Variants in ABCB4 observed in about 807,000 individuals in gnomAD.
ABCB4 encodes the protein phosphatidylcholine translocator ABCB4.
In ABCB4, 76 loss-of-function variants were observed where a neutral mutation model predicts 145.7. That is an observed-to-expected ratio of 0.52 (90% CI 0.43 to 0.63). The LOEUF is 0.63. Among genes scored for constraint, ABCB4 ranks in the 30% least tolerant of loss-of-function variants. The pLI is 0.00. For synonymous variants in ABCB4, 517 were observed against 566.8 expected, an observed-to-expected ratio of 0.91 and a Z score of 1.25; for missense variants, 1,234 against 1,553.1, an observed-to-expected ratio of 0.79 and a Z score of 3.45.
chr7:87,432,796 T>G (rs1034821), intron 14 of ABCB4, among the ~76,000 whole-genome samples: 10,659 of 152,212 alleles, frequency 0.07, 391 homozygotes, highest in South Asian at 0.14. Flanking sequence ...CAGTGATGGT[T>G]GTACAACCTT....
At chr7:87,421,327 C>T (rs1421745776) in intron 18 of ABCB4, among the ~76,000 whole-genome samples, 1 of 152,178 alleles carries the variant, frequency 6.6e-6, no homozygotes, top group Non-Finnish European at 1.5e-5. Flanking sequence ...TGCCCTCCCC[C>T]TCCATTTGCT....
At position 87,443,189 on chromosome 7, in the gene ABCB4, C is replaced by A. The variant is rs17149606; in HGVS notation, c.1356+130G>T. On this transcript the variant is annotated intron_variant, in intron 12 of 27. Coordinates refer to ENST00000649586, the MANE Select transcript of ABCB4 (RefSeq NM_000443.4). ...CCAAGGGTGTGAAGGCATTATCCAT[C>A]GGCATTGCCATTTTGTAGGCTTTTT... 96,891 of 1,153,742 alleles carry A rather than the reference C, an allele frequency of 0.084. 5,034 individuals carry two copies. Among genetic ancestry groups the A allele is most frequent in the African/African-American group, 0.21 (13,978 of 66,150 alleles). The allele number at this position is 1,153,742 out of a possible 1,614,324, so 71.5% of individuals were successfully genotyped here. A position where few individuals can be genotyped will look rare whatever the true frequency, so the allele number is the denominator to read the frequency against.
intron 3 of ABCB4, among the ~76,000 whole-genome samples, chr7:87,469,868 C>T (rs1370007109): frequency 6.6e-6 from 1 of 152,180 alleles, no homozygotes; most frequent in African/African-American, 2.4e-5. Context: ...GAAAAAACTA[C>T]TTTAAAGTTA....
chr7:87,381,573 T>C, the ABCB4 span, among the ~76,000 whole-genome samples: 1 of 152,194 alleles, frequency 6.6e-6, no homozygotes, highest in Non-Finnish European at 1.5e-5. Flanking sequence ...AACATCTTCG[T>C]GTTGCATATA....
At chr7:87,451,198 T>C (rs1244976750) in intron 7 of ABCB4, among the ~76,000 whole-genome samples, 1 of 151,202 alleles carries the variant, frequency 6.6e-6, no homozygotes, top group African/African-American at 2.4e-5. Flanking sequence ...TGAAGTGGCA[T>C]GATCTGGGCT....
intron 9 of ABCB4, among the ~76,000 whole-genome samples, chr7:87,445,745 T>C (rs1811301448): frequency 6.6e-6 from 1 of 152,222 alleles, no homozygotes; most frequent in Admixed American, 6.5e-5. Context: ...ATCAGTTAAA[T>C]ATCTATCCCC....
Position 87,465,730 on chromosome 7 carries a change from T to C in ABCB4, c.136-2822A>G, listed in dbSNP as rs1812839202. Among the ~76,000 whole-genome samples, 3 of 152,258 alleles carry C rather than the reference T, an allele frequency of 2.0e-5. No individual in the cohort carries two copies. The South Asian group carries it at 6.2e-4, about 32-fold the overall frequency. Reference sequence around the variant, plus strand: ...CCAGAGGAACAATCAGGCAGCAACATTCGCTGTTCATCAATATTCGCTGTT... The same window carrying C: ...CCAGAGGAACAATCAGGCAGCAACACTCGCTGTTCATCAATATTCGCTGTT... On this transcript the variant is annotated intron_variant, in intron 3 of 27. Coordinates refer to ENST00000649586, the MANE Select transcript of ABCB4 (RefSeq NM_000443.4).
intron 16 of ABCB4, 21 bp downstream of exon 16, chr7:87,426,729 T>C (rs777205352): frequency 6.2e-7 from 1 of 1,610,708 alleles, no homozygotes; most frequent in South Asian, 1.1e-5. Context: ...AAAGACTTAA[T>C]TTAAGTGAAA....
intron 8 of ABCB4, chr7:87,448,683 G>A (rs902875758): frequency 1.3e-5 from 2 of 152,270 alleles, no homozygotes; most frequent in African/African-American, 4.8e-5. Flanking sequence ...AGGTCCAACT[G>A]AGGGTTAGTG....
chr7:87,461,475 T>C (rs1812456803), intron 4 of ABCB4, among the ~76,000 whole-genome samples: 1 of 152,218 alleles, frequency 6.6e-6, no homozygotes. Flanking sequence ...TCTCCAAGCC[T>C]TGGTTTTGCC....
chr7:87,406,240 G>A, intron 26 of ABCB4, 48 bp downstream of exon 26: 1 of 1,571,088 alleles, frequency 6.4e-7, no homozygotes, highest in Non-Finnish European at 8.8e-7. Context: ...GTAATTGTTT[G>A]GGGGATAAAA....
chr7:87,380,900 C>T, the ABCB4 span, among the ~76,000 whole-genome samples: 1 of 152,218 alleles, frequency 6.6e-6, no homozygotes, highest in African/African-American at 2.4e-5. Flanking sequence ...TTGTCAGCGA[C>T]CTGTGAGTCT....
intron 9 of ABCB4, among the ~76,000 whole-genome samples, chr7:87,445,587 C>T (rs1811292208): frequency 6.6e-6 from 1 of 151,960 alleles, no homozygotes; most frequent in South Asian, 2.1e-4. Context: ...AATACAGCTT[C>T]AGGAATCCAG....
chr7:87,452,818 T>A, intron 6 of ABCB4, 126 bp downstream of exon 6: 1 of 1,110,058 alleles, frequency 9.0e-7, no homozygotes, highest in Non-Finnish European at 1.3e-6. Context: ...GGCTGCCAGA[T>A]GATCGATTTC....
In ABCB4 at chr7:87,451,620, T is replaced by C. The variant is rs756040045; in HGVS notation, c.708+3A>G. 7 of 1,614,154 alleles carry C rather than the reference T, an allele frequency of 4.3e-6. No individual in the cohort carries two copies. The highest frequency in any genetic ancestry group is 5.9e-6 in the Non-Finnish European group (7 of 1,180,008). ...CACATAAAAAGGCCCAGCTTTCACA[T>C]ACCTTTGCCCAAACGGCTGCAGAGA... is the stretch of plus-strand genomic sequence containing the variant. On this transcript the variant is annotated splice_donor_region_variant and intron_variant, in intron 7 of 27. Transcript: ENST00000649586.
At chr7:87,426,380 G>A (rs1453558899) in intron 16 of ABCB4, among the ~76,000 whole-genome samples, 1 of 152,140 alleles carries the variant, frequency 6.6e-6, no homozygotes, top group South Asian at 2.1e-4. Flanking sequence ...GCTATTCTGG[G>A]TTTCCTAATA....
chr7:87,433,857 G>A (rs1403759451), intron 14 of ABCB4, among the ~76,000 whole-genome samples: 1 of 151,790 alleles, frequency 6.6e-6, no homozygotes, highest in Non-Finnish European at 1.5e-5. Context: ...AGCCTTTCTG[G>A]AACTTTGGTA....
At position 87,409,256 on chromosome 7, in the gene ABCB4, T is replaced by G. The variant is rs773701919; in HGVS notation, c.3061A>C (p.Ser1021Arg). 13 of 1,614,094 alleles carry G rather than the reference T, an allele frequency of 8.1e-6. No individual in the cohort carries two copies. Among genetic ancestry groups the G allele is most frequent in the Non-Finnish European group, 1.1e-5 (13 of 1,179,974 alleles). Residue 1021 changes from serine (S) to arginine (R), a missense_variant, in exon 24 of 28, where the codon AGT becomes CGT. By Grantham distance (110) the Ser-to-Arg change is moderately radical. This residue lies in a region of ABCB4 where 301 missense variants were observed against 389.0 expected (regional missense o/e 0.77). Transcript: ENST00000649586. ...CTTACAGGCTTCAGCCCCTCTTCAC[T>G]GTAGCTGTCAATCAGAGGTTGTCTT... Reference protein sequence around the residue: ...FERQPLIDSYSEEGLKPDKFE... With the variant: ...FERQPLIDSYREEGLKPDKFE...
the ABCB4 span, among the ~76,000 whole-genome samples, chr7:87,394,491 A>C: frequency 6.6e-6 from 1 of 151,958 alleles, no homozygotes; most frequent in African/African-American, 2.4e-5. Context: ...AGTATCATAG[A>C]TTGAGATCTG....
Sources: gnomAD v4.1 joint callset for allele counts (sites outside exome capture counted in the v4.1 genomes callset) on GRCh38, gnomAD v4.1.1 for gene constraint, gnomAD v4.1.1 regional missense constraint, MANE v1.5 for transcripts, NCBI Gene and HGNC (gene_info 2026-07-23, HGNC 2026-07-21) for gene names.